HPS4: variants seen among roughly 807,000 people sequenced by gnomAD.
The protein encoded by HPS4 is BLOC-3 complex member HPS4.
HPS4 carries 44 observed loss-of-function variants against 70.3 expected under a neutral mutation model. The ratio of observed to expected loss-of-function variants is 0.63; its 90% confidence interval spans 0.49 to 0.80. The LOEUF is 0.80. HPS4 is among the 30% of genes least tolerant of loss of function. The pLI, the probability that HPS4 is intolerant of heterozygous loss-of-function variation, is 0.00. For synonymous variants in HPS4, 377 were observed against 355.9 expected (o/e 1.06, Z -0.67); for missense variants, 873 against 884.4 (o/e 0.99, Z 0.16).
At position 26,481,867 on chromosome 22, in the gene HPS4, T is replaced by G; in HGVS notation, c.-105A>C. 4.4e-6 allele frequency: 5 copies of G among 1,147,528 alleles called. No individual in the cohort carries two copies. Among genetic ancestry groups the G allele is most frequent in the Non-Finnish European group, 5.3e-6 (4 of 758,062 alleles). The allele number at this position is 1,147,528 out of a possible 1,614,324, so 71.1% of individuals were successfully genotyped here. A position where few individuals can be genotyped will look rare whatever the true frequency, so the allele number is the denominator to read the frequency against. ...CCTCTATCCCCCAATCCAGTGAATC[T>G]GGACGTGGTAGGTTTCAGTGTTTTC... On this transcript the variant is annotated 5_prime_UTR_variant, in exon 2 of 14. Transcript: ENST00000398145.
intron 7 of HPS4, among the ~76,000 whole-genome samples, chr22:26,470,442 G>T (rs927631235): frequency 6.6e-6 from 1 of 152,218 alleles, no homozygotes; most frequent in Non-Finnish European, 1.5e-5. Flanking sequence ...GCATTTTGCA[G>T]ACTGACAACT....
At position 26,451,986 on chromosome 22, in the gene HPS4, A is replaced by C. The variant is rs989684929; in HGVS notation, c.*1247T>G. On this transcript the variant is annotated 3_prime_UTR_variant, in exon 14 of 14. Coordinates refer to ENST00000398145, the MANE Select transcript of HPS4 (RefSeq NM_022081.6). ...AGGAAAAGAGGGATGCGCCCACGTT[A>C]CGCGCGCGCGCGCGCGCGCACACAC... 6.7e-6 allele frequency: 1 copy of C among 148,252 alleles called. No individual in the cohort carries two copies. Among genetic ancestry groups the C allele is most frequent in the African/African-American group, 3.0e-5 (1 of 33,300 alleles). 9.2% of individuals were successfully genotyped at this position (148,252 alleles called of 1,614,324 possible).
intron 11 of HPS4, among the ~76,000 whole-genome samples, chr22:26,460,924 T>A (rs1393572441): frequency 3.9e-5 from 6 of 152,268 alleles, no homozygotes; most frequent in African/African-American, 1.4e-4. Flanking sequence ...TTATATACTG[T>A]CTATGGCTGT....
chr22:26,450,437 C>G (rs1381994087), downstream of HPS4, among the ~76,000 whole-genome samples: 1 of 152,242 alleles, frequency 6.6e-6, no homozygotes, highest in African/African-American at 2.4e-5. Context: ...AACAAAGCCC[C>G]TGGGCTCCAC....
At chr22:26,474,359 G>A (rs1246710723) in intron 4 of HPS4, among the ~76,000 whole-genome samples, 1 of 148,640 alleles carries the variant, frequency 6.7e-6, no homozygotes, top group African/African-American at 2.5e-5. Flanking sequence ...AATGATGCTG[G>A]AAGAACTGGT....
At chr22:26,480,921 A>G (rs1435040974) in intron 2 of HPS4, among the ~76,000 whole-genome samples, 2 of 152,108 alleles carry the variant, frequency 1.3e-5, no homozygotes, top group African/African-American at 4.8e-5. Context: ...CTGTCTCAAA[A>G]ACAAACAAAC....
At chr22:26,468,514 G>C (rs1159813534) in intron 8 of HPS4, 37 bp downstream of exon 8, 1 of 1,569,512 alleles carries the variant, frequency 6.4e-7, no homozygotes. Context: ...GTGCTCTGGG[G>C]GATGCTGTCC....
At chr22:26,467,061 A>G (rs1222556614) in intron 8 of HPS4, 1 of 152,140 alleles carries the variant, frequency 6.6e-6, no homozygotes, top group Non-Finnish European at 1.5e-5. Context: ...CCTTAAGCCT[A>G]TGCAGTTTTT....
Position 26,453,127 on chromosome 22 carries a change from AAAG to A in HPS4, c.*103_*105del. ...ACTCAAATATCATTTGGTTCCTAAAAAAGGGAATGTTTTCAAGAAAAATAAAAT... is the reference window on the plus strand; with the variant it reads ...ACTCAAATATCATTTGGTTCCTAAAAGGAATGTTTTCAAGAAAAATAAAAT... On this transcript the variant is annotated 3_prime_UTR_variant, in exon 14 of 14. Coordinates refer to ENST00000398145, the MANE Select transcript of HPS4 (RefSeq NM_022081.6). 1 of 1,212,924 alleles carries A rather than the reference AAAG, an allele frequency of 8.2e-7. No homozygotes were observed. The allele number at this position is 1,212,924 out of a possible 1,614,324, so 75.1% of individuals were successfully genotyped here. A position where few individuals can be genotyped will look rare whatever the true frequency, so the allele number is the denominator to read the frequency against.
intron 2 of HPS4, among the ~76,000 whole-genome samples, chr22:26,480,876 C>T (rs2091212529): frequency 1.3e-5 from 2 of 152,096 alleles, no homozygotes; most frequent in Non-Finnish European, 2.9e-5. Flanking sequence ...TGAGATCATG[C>T]CACTGCACTC....
chr22:26,467,039 T>TG (rs1180519366), intron 8 of HPS4: 1 of 152,202 alleles, frequency 6.6e-6, no homozygotes, highest in Non-Finnish European at 1.5e-5. Context: ...CTATTAATAT[T>TG]GGGTATTTTT....
At chr22:26,473,002 C>T in intron 4 of HPS4, 63 bp from the exon 5 acceptor site, 1 of 1,464,514 alleles carries the variant, frequency 6.8e-7, no homozygotes, top group Non-Finnish European at 9.6e-7. Context: ...GCCCAGAATC[C>T]TGGCATCCAG....
chr22:26,478,020 GT>G (rs1215814380), intron 3 of HPS4, among the ~76,000 whole-genome samples: 3 of 152,150 alleles, frequency 2.0e-5, no homozygotes, highest in Non-Finnish European at 2.9e-5. Context: ...GGAAGTATGG[GT>G]GCATGGAAGG....
downstream of HPS4, among the ~76,000 whole-genome samples, chr22:26,448,445 G>A (rs551385602): frequency 2.0e-5 from 3 of 152,338 alleles, no homozygotes; most frequent in South Asian, 6.2e-4. Flanking sequence ...GTCCAGCCTG[G>A]GTGGGGAGGA....
At chr22:26,470,022 A>G (rs543967134) in intron 7 of HPS4, among the ~76,000 whole-genome samples, 40 of 152,382 alleles carry the variant, frequency 2.6e-4, no homozygotes, top group African/African-American at 8.9e-4. Flanking sequence ...TGTCTGGCCC[A>G]AGGGCCCCTG....
At chr22:26,443,282 A>G, downstream of HPS4, 2 of 1,245,180 alleles carry the variant, frequency 1.6e-6, no homozygotes, top group Non-Finnish European at 1.2e-6. Flanking sequence ...TCCAGTCCCT[A>G]CCGGTGTTGT....
Position 26,481,847 on chromosome 22 carries a change from A to G in HPS4, c.-85T>C. Reference sequence around the variant, plus strand: ...TCTCCCTAGCTGTGACCGTTCCTCTATCCCCCAATCCAGTGAATCTGGACG... The same window carrying G: ...TCTCCCTAGCTGTGACCGTTCCTCTGTCCCCCAATCCAGTGAATCTGGACG... On this transcript the variant is annotated 5_prime_UTR_variant, in exon 2 of 14. Transcript: ENST00000398145. 1.5e-6 allele frequency: 2 copies of G among 1,313,392 alleles called. No homozygotes were observed. Among genetic ancestry groups the G allele is most frequent in the East Asian group, 2.3e-5 (1 of 43,440 alleles). The allele number at this position is 1,313,392 out of a possible 1,614,324, so 81.4% of individuals were successfully genotyped here.
chr22:26,466,090 A>G (rs769470411), intron 9 of HPS4, 136 bp downstream of exon 9: 16 of 1,593,018 alleles, frequency 1.0e-5, no homozygotes, highest in South Asian at 1.1e-5. Context: ...TTGAAGCTCC[A>G]TAACATCCAT....
downstream of HPS4, chr22:26,444,010 A>G (rs755327086): frequency 3.9e-5 from 6 of 152,238 alleles, no homozygotes; most frequent in Admixed American, 2.6e-4. Context: ...CACTGCCTAC[A>G]GAAGCCCTAC....
Sources: allele counts gnomAD v4.1 joint callset (sites outside exome capture counted in the v4.1 genomes callset), GRCh38; gene constraint gnomAD v4.1.1; transcripts MANE v1.5; gene names NCBI Gene and HGNC (gene_info 2026-07-23, HGNC 2026-07-21).